WWP1: variants seen among roughly 807,000 people sequenced by gnomAD.
WWP1 encodes the protein NEDD4-like E3 ubiquitin-protein ligase WWP1.
Under a neutral mutation model 130.6 loss-of-function variants are expected in WWP1, and 49 were observed. The observed-to-expected ratio is 0.38, with a 90% CI of 0.30 to 0.48. The LOEUF is 0.48. WWP1 is among the 20% of genes least tolerant of loss of function. The pLI is 0.99. For missense variants in WWP1, 809 were observed against 1,100.6 expected (o/e 0.74, Z 3.75); for synonymous variants, 332 against 367.8 (o/e 0.90, Z 1.11).
Position 86,434,153 on chromosome 8 carries a change from T to TAC in WWP1, c.1602-1297_1602-1296dup, listed in dbSNP as rs1032109113. Among the ~76,000 whole-genome samples, 110 of 152,210 alleles carry TAC rather than the reference T, an allele frequency of 7.2e-4. 3 individuals are homozygous for TAC. Among genetic ancestry groups the TAC allele is most frequent in the African/African-American group, 2.4e-3 (99 of 41,538 alleles). The stretch of plus-strand genomic sequence containing the variant: ...CCTTGTACAATGTTGTTACTCTCCA[T>TAC]ACAGCACAGAGACTGAATTTCCAAA... On this transcript the variant is annotated intron_variant, in intron 14 of 24. Transcript: ENST00000517970.
At chr8:86,457,798 A>T (rs1025988114) in intron 21 of WWP1, 123 bp from the exon 22 acceptor site, 1 of 707,722 alleles carries the variant, frequency 1.4e-6, no homozygotes, top group Non-Finnish European at 2.3e-6. Flanking sequence ...TGATCATTAT[A>T]TGCCATGCAT....
chr8:86,455,810 C>T (rs2130767313), intron 21 of WWP1, among the ~76,000 whole-genome samples: 1 of 151,980 alleles, frequency 6.6e-6, no homozygotes, highest in Non-Finnish European at 1.5e-5. Context: ...CCTAGAAGAG[C>T]AAAGCCAATT....
At chr8:86,356,896 C>T (rs917086432) in intron 1 of WWP1, among the ~76,000 whole-genome samples, 1 of 151,984 alleles carries the variant, frequency 6.6e-6, no homozygotes, top group Non-Finnish European at 1.5e-5. Flanking sequence ...AGGTTGTTTC[C>T]ACAACTGTAA....
In WWP1 at chr8:86,398,611, G is replaced by A. The variant is rs764621036; in HGVS notation, c.512G>A (p.Gly171Glu). ...AATGGTGATGCCTTACATGAAAATG[G>A]AGAGCCTTCAGCAAGGACAACTGCC... ...QENGDALHEN[G>E]EPSARTTARL... The change falls in exon 7 of 25, where the codon GGA (glycine) becomes GAA (glutamate). Residue 171 changes from glycine (G) to glutamate (E), a missense_variant. Gly to Glu is a moderately conservative substitution (Grantham distance 98, BLOSUM62 -2). This residue lies in a region of WWP1 where 262 missense variants were observed against 346.0 expected (regional missense o/e 0.76). Coordinates refer to ENST00000517970, the MANE Select transcript of WWP1 (RefSeq NM_007013.4). 4.2e-5 allele frequency: 68 copies of A among 1,612,384 alleles called. No homozygotes were observed. Among genetic ancestry groups the A allele is most frequent in the Non-Finnish European group, 5.2e-5 (61 of 1,179,772 alleles).
chr8:86,397,485 GA>G (rs1424964393), intron 5 of WWP1, among the ~76,000 whole-genome samples: 2 of 151,934 alleles, frequency 1.3e-5, no homozygotes, highest in Non-Finnish European at 2.9e-5. Context: ...TAGCAATTTT[GA>G]AATGTACAAC....
At chr8:86,402,373 C>T (rs1365294187) in intron 8 of WWP1, among the ~76,000 whole-genome samples, 170 bp downstream of exon 8, 2 of 152,206 alleles carry the variant, frequency 1.3e-5, no homozygotes, top group Non-Finnish European at 2.9e-5. Context: ...GCAACCTCTG[C>T]CTCTTGGGTT....
chr8:86,421,248 A>G (rs1007182660), intron 9 of WWP1, among the ~76,000 whole-genome samples: 1 of 147,678 alleles, frequency 6.8e-6, no homozygotes, highest in African/African-American at 2.4e-5. Context: ...CAAGTTTAAT[A>G]ATTTTTGTGA....
chr8:86,427,599 C>A (rs1809704389), intron 10 of WWP1, 44 bp from the exon 11 acceptor site: 1 of 1,482,706 alleles, frequency 6.7e-7, no homozygotes, highest in African/African-American at 1.4e-5. Flanking sequence ...TTTTCATTTT[C>A]TTATATTGAG....
At chr8:86,343,976 A>G (rs1220969362) in intron 1 of WWP1, among the ~76,000 whole-genome samples, 4 of 151,908 alleles carry the variant, frequency 2.6e-5, no homozygotes, top group Admixed American at 1.3e-4. Context: ...TTTTTTTAAC[A>G]AGAGTTCATG....
rs375155087 is a variant in WWP1, at chr8:86,421,435, C to G, written c.1062-3788C>G. 5.3e-5 allele frequency among the ~76,000 whole-genome samples: 8 copies of G among 152,038 alleles called. No homozygotes were observed. The East Asian group carries it at 1.2e-3, about 22-fold the overall frequency. On this transcript the variant is annotated intron_variant, in intron 9 of 24. Coordinates refer to ENST00000517970, the MANE Select transcript of WWP1 (RefSeq NM_007013.4). ...GAGTAGTTTCAGTATATATGGTTAT[C>G]GTGTATAAAAATAATTTAAAGAAAA... is the stretch of plus-strand genomic sequence containing the variant.
At chr8:86,369,913 A>C (rs1405723995) in intron 2 of WWP1, among the ~76,000 whole-genome samples, 3 of 152,164 alleles carry the variant, frequency 2.0e-5, no homozygotes, top group African/African-American at 7.2e-5. Flanking sequence ...AATTAAAAAA[A>C]AAACCCATGT....
intron 1 of WWP1, among the ~76,000 whole-genome samples, chr8:86,353,260 C>T (rs957424053): frequency 2.6e-5 from 4 of 152,160 alleles, no homozygotes; most frequent in East Asian, 1.9e-4. Flanking sequence ...ATGACACCTA[C>T]GGGCTACTTC....
At chr8:86,375,658 G>A (rs966697092) in intron 3 of WWP1, among the ~76,000 whole-genome samples, 9 of 152,094 alleles carry the variant, frequency 5.9e-5, no homozygotes, top group Non-Finnish European at 1.2e-4. Context: ...ATGTAAAAAA[G>A]CTAACTAGTC....
chr8:86,451,940 G>C (rs1811197391), intron 20 of WWP1, among the ~76,000 whole-genome samples: 1 of 151,934 alleles, frequency 6.6e-6, no homozygotes, highest in Non-Finnish European at 1.5e-5. Context: ...CATCTTAATT[G>C]AGTTCTTCTA....
At chr8:86,354,652 G>A (rs1215640886) in intron 1 of WWP1, among the ~76,000 whole-genome samples, 4 of 152,034 alleles carry the variant, frequency 2.6e-5, no homozygotes, top group Non-Finnish European at 5.9e-5. Context: ...TTGAAATTTT[G>A]TATTTATAAC....
intron 17 of WWP1, 60 bp from the exon 18 acceptor site, chr8:86,442,559 G>T: frequency 7.0e-7 from 1 of 1,433,634 alleles, no homozygotes; most frequent in Non-Finnish European, 9.4e-7. Flanking sequence ...ATATATTTAA[G>T]ATCTGTTTTT....
At chr8:86,409,928 T>A (rs1808495573) in intron 8 of WWP1, among the ~76,000 whole-genome samples, 1 of 152,198 alleles carries the variant, frequency 6.6e-6, no homozygotes, top group African/African-American at 2.4e-5. Context: ...TGATAGATAA[T>A]CTAGATTACT....
At chr8:86,427,510 A>G in intron 10 of WWP1, 133 bp from the exon 11 acceptor site, 1 of 909,610 alleles carries the variant, frequency 1.1e-6, no homozygotes, top group East Asian at 2.9e-5. Context: ...GGTAAAATAA[A>G]TAGTTCATAG....
intron 18 of WWP1, among the ~76,000 whole-genome samples, chr8:86,445,946 T>C (rs1174490068): frequency 1.4e-5 from 2 of 146,642 alleles, no homozygotes; most frequent in Non-Finnish European, 3.0e-5. Flanking sequence ...TGGCTGCTTA[T>C]ATGTCTTTTC....
Sources: gnomAD v4.1 joint callset for allele counts (sites outside exome capture counted in the v4.1 genomes callset) on GRCh38, gnomAD v4.1.1 for gene constraint, gnomAD v4.1.1 regional missense constraint, MANE v1.5 for transcripts, NCBI Gene and HGNC (gene_info 2026-07-23, HGNC 2026-07-21) for gene names.